Variants in ARFGAP1 observed in about 807,000 individuals in gnomAD.
The protein encoded by ARFGAP1 is ARF GTPase activating protein 1.
Under a neutral mutation model 54.0 loss-of-function variants are expected in ARFGAP1, and 26 were observed. The observed-to-expected ratio is 0.48, with a 90% CI of 0.35 to 0.67. The LOEUF (loss-of-function observed/expected upper bound fraction) is 0.67, where lower values mean the gene tolerates loss of function less well. ARFGAP1 is among the 30% of genes least tolerant of loss of function. The pLI, the probability that ARFGAP1 is intolerant of heterozygous loss-of-function variation, is 0.00. For missense variants in ARFGAP1, 525 were observed against 535.8 expected (o/e 0.98, Z 0.20); for synonymous variants, 248 against 211.9 (o/e 1.17, Z -1.48).
chr20:63,275,778 T>G (rs1269215438), intron 2 of ARFGAP1, 138 bp downstream of exon 2: 1 of 876,516 alleles, frequency 1.1e-6, no homozygotes, highest in Non-Finnish European at 1.8e-6. Flanking sequence ...GTGCATGGCT[T>G]GTGCTGGCTG....
rs1372664058 is a variant in ARFGAP1 at position 63,287,852 on chromosome 20, C to T, written c.1200C>T (p.Gly400=). 4 of 1,555,356 alleles carry T rather than the reference C, an allele frequency of 2.6e-6. No individual in the cohort carries two copies. In the South Asian group the frequency reaches 4.7e-5, roughly 18 times the overall value. Residue 400 remains glycine (G), a synonymous_variant, in exon 13 of 13, where the codon GGC becomes GGT. Transcript: ENST00000370283. ...AVPPAVPTDD[G]WDNQNW The stretch of plus-strand genomic sequence containing the variant: ...CGCCGGCCGTGCCCACTGATGATGG[C>T]TGGGACAACCAGAACTGGTAGGGCC...
At chr20:63,284,224 T>C in intron 9 of ARFGAP1, 1 of 1,228,008 alleles carries the variant, frequency 8.1e-7, no homozygotes, top group Non-Finnish European at 1.0e-6. Context: ...TGAGCAGGGT[T>C]TCCTGGCCAC....
intron 1 of ARFGAP1, among the ~76,000 whole-genome samples, chr20:63,274,416 G>T (rs1415440017): frequency 1.5e-5 from 2 of 137,040 alleles, no homozygotes; most frequent in East Asian, 4.0e-4. Flanking sequence ...TAAAAGCTCT[G>T]CCTACACTGT....
At position 63,282,694 on chromosome 20, in the gene ARFGAP1, C is replaced by G. The variant is rs979276377; in HGVS notation, c.685-125C>G. 37 of 936,582 alleles carry G rather than the reference C, an allele frequency of 4.0e-5. No homozygotes were observed. The Middle Eastern group carries it at 1.3e-3, about 32-fold the overall frequency. 58.0% of individuals were successfully genotyped at this position (936,582 alleles called of 1,614,324 possible). On this transcript the variant is annotated intron_variant, in intron 8 of 12. Coordinates refer to ENST00000370283, the MANE Select transcript of ARFGAP1 (RefSeq NM_018209.4). ...GCATCTCAGAGTTATAGGGCCCGCC[C>G]AGAGCCGCTGGCAGCCCGGGGGCCA...
intron 9 of ARFGAP1, 33 bp downstream of exon 9, chr20:63,282,884 A>T (rs1359918398): frequency 6.2e-7 from 1 of 1,612,970 alleles, no homozygotes; most frequent in Non-Finnish European, 8.5e-7. Flanking sequence ...ACCCTGGTGC[A>T]TCTGAAACTA....
intron 7 of ARFGAP1, 34 bp from the exon 8 acceptor site, chr20:63,281,257 T>G: frequency 6.3e-7 from 1 of 1,580,840 alleles, no homozygotes. Context: ...TGGGTCCCAG[T>G]CCTGATGTGG....
chr20:63,283,492 T>C (rs980144893), intron 9 of ARFGAP1: 2 of 313,474 alleles, frequency 6.4e-6, no homozygotes, highest in East Asian at 1.3e-4. Context: ...GGACGCGCCT[T>C]TGCCCCCTGG....
At chr20:63,286,289 G>A (rs1258053979) in intron 11 of ARFGAP1, 77 bp from the exon 12 acceptor site, 3 of 1,597,718 alleles carry the variant, frequency 1.9e-6, no homozygotes, top group Non-Finnish European at 1.7e-6. Context: ...GCGCGTGCCG[G>A]CTTGCGTGTG....
At chr20:63,279,266 T>A (rs1568734645) in intron 7 of ARFGAP1, 2 of 542,542 alleles carry the variant, frequency 3.7e-6, no homozygotes, top group Middle Eastern at 5.0e-4. Flanking sequence ...AGGGCAGTGG[T>A]GCGACCTCAG....
At chr20:63,282,987 G>C (rs115719533) in intron 9 of ARFGAP1, 136 bp downstream of exon 9, 3 of 965,642 alleles carry the variant, frequency 3.1e-6, no homozygotes, top group South Asian at 2.8e-5. Context: ...AGCGTAGAAG[G>C]GGGTGTTCCT....
chr20:63,276,374 C>T lies in ARFGAP1; in HGVS notation c.171-106C>T, dbSNP rs2067238091. 6.2e-6 allele frequency: 9 copies of T among 1,462,286 alleles called. No individual in the cohort carries two copies. The East Asian group carries it at 1.8e-4, about 30-fold the overall frequency. The allele number at this position is 1,462,286 out of a possible 1,614,324, so 90.6% of individuals were successfully genotyped here. A position where few individuals can be genotyped will look rare whatever the true frequency, so the allele number is the denominator to read the frequency against. ...TTCCAGCTGCTGGCCACTCAGCCTCCCTGCGGCTGCTGCTTGCTGTGTCTA... is the reference window on the plus strand; with the variant it reads ...TTCCAGCTGCTGGCCACTCAGCCTCTCTGCGGCTGCTGCTTGCTGTGTCTA... On this transcript the variant is annotated intron_variant, in intron 3 of 12. Coordinates refer to ENST00000370283, the MANE Select transcript of ARFGAP1 (RefSeq NM_018209.4). This position sits in a 1 kb window ranked among gnomAD's most constrained non-coding sequence, Gnocchi z 5.2.
In ARFGAP1 at chr20:63,277,254, C is replaced by T. The variant is rs555630016; in HGVS notation, c.392C>T (p.Ala131Val). The T allele has an allele frequency of 6.2e-7, 1 of 1,613,120 alleles. No homozygotes were observed. Among genetic ancestry groups the T allele is most frequent in the African/African-American group, 1.3e-5 (1 of 75,006 alleles). Reference sequence around the variant, plus strand: ...GAGTGGTCTCTGGAGTCATCACCTGCCCAGAACTGGACCCCACCTCAGCCC... The same window carrying T: ...GAGTGGTCTCTGGAGTCATCACCTGTCCAGAACTGGACCCCACCTCAGCCC... ...GREWSLESSP[A>V]QNWTPPQPRT... The change falls in exon 5 of 13, where the codon GCC becomes GTC. Residue 131 changes from alanine (A) to valine (V), a missense_variant. Transcript: ENST00000370283.
At chr20:63,283,026 G>A in intron 9 of ARFGAP1, 175 bp downstream of exon 9, 1 of 698,698 alleles carries the variant, frequency 1.4e-6, no homozygotes, top group East Asian at 2.7e-5. Context: ...TCATGCCCGG[G>A]TGGCTGCCTC....
Position 63,276,012 on chromosome 20 carries a change from T to G in ARFGAP1, c.61-79T>G. 1 of 1,382,870 alleles carries G rather than the reference T, an allele frequency of 7.2e-7. No individual in the cohort carries two copies. The highest frequency in any genetic ancestry group is 1.0e-6 in the Non-Finnish European group (1 of 974,694). The allele number at this position is 1,382,870 out of a possible 1,614,324, so 85.7% of individuals were successfully genotyped here. A position where few individuals can be genotyped will look rare whatever the true frequency, so the allele number is the denominator to read the frequency against. The stretch of plus-strand genomic sequence containing the variant: ...TGGGCAGCCCTCTGCATTCGCTCCT[T>G]GAGGCCACCTGTCGGGTCTTTGGGG... On this transcript the variant is annotated intron_variant, in intron 2 of 12. Coordinates refer to ENST00000370283, the MANE Select transcript of ARFGAP1 (RefSeq NM_018209.4). This position sits in a 1 kb window ranked among gnomAD's most constrained non-coding sequence, Gnocchi z 5.2.
chr20:63,281,394 G>T (rs1235370312), intron 8 of ARFGAP1, 47 bp downstream of exon 8: 1 of 1,555,110 alleles, frequency 6.4e-7, no homozygotes, highest in Non-Finnish European at 8.7e-7. Context: ...AGGCCCTCGG[G>T]ACACTGGCTG....
intron 7 of ARFGAP1, 108 bp from the exon 8 acceptor site, chr20:63,281,183 G>C: frequency 8.2e-7 from 1 of 1,221,956 alleles, no homozygotes; most frequent in Non-Finnish European, 1.1e-6. Flanking sequence ...TGGGACGGGG[G>C]CCTGGGGCAG....
intron 9 of ARFGAP1, 49 bp from the exon 10 acceptor site, chr20:63,284,817 G>T: frequency 6.2e-7 from 1 of 1,608,120 alleles, no homozygotes. Flanking sequence ...GCCGACCCGT[G>T]TCCCGTGGTG....
intron 9 of ARFGAP1, chr20:63,284,461 C>T: frequency 1.8e-6 from 2 of 1,099,586 alleles, no homozygotes; most frequent in South Asian, 5.4e-5. Context: ...GTGCCCTCTT[C>T]CCTCCAGGGG....
Position 63,278,218 on chromosome 20 carries a change from G to T in ARFGAP1, c.530+15G>T. 1 of 1,611,944 alleles carries T rather than the reference G, an allele frequency of 6.2e-7. No homozygotes were observed. The highest frequency in any genetic ancestry group is 8.5e-7 in the Non-Finnish European group (1 of 1,179,470). On this transcript the variant is annotated intron_variant, in intron 6 of 12. Transcript: ENST00000370283. Reference sequence around the variant, plus strand: ...TCCTATCAAGGGTAAGGACTTGAGAGCTGGGGACGCCTGGCGTGGGCCAGG... The same window carrying T: ...TCCTATCAAGGGTAAGGACTTGAGATCTGGGGACGCCTGGCGTGGGCCAGG...
Sources: gnomAD v4.1 joint callset for allele counts (sites outside exome capture counted in the v4.1 genomes callset) on GRCh38, gnomAD v4.1.1 for gene constraint, Gnocchi (gnomAD v3.1) non-coding constraint, MANE v1.5 for transcripts, NCBI Gene and HGNC (gene_info 2026-07-23, HGNC 2026-07-21) for gene names.